Variants in IL1RAPL2 observed in about 807,000 individuals in gnomAD.
IL1RAPL2 encodes the protein X-linked interleukin-1 receptor accessory protein-like 2.
IL1RAPL2 carries 3 observed loss-of-function variants against 44.1 expected under a neutral mutation model. The ratio of observed to expected loss-of-function variants is 0.07; its 90% CI spans 0.03 to 0.18. IL1RAPL2 has a LOEUF of 0.18. Ranked by LOEUF, IL1RAPL2 falls within the 10% of genes least tolerant of loss-of-function variation. The pLI is 1.00. For synonymous variants in IL1RAPL2, 181 were observed against 178.8 expected, an observed-to-expected ratio of 1.01 and a Z score of -0.10; for missense variants, 391 against 496.4, an observed-to-expected ratio of 0.79 and a Z score of 2.02.
chrX:105,701,456 C>T (rs1337547540), intron 6 of IL1RAPL2, among the ~76,000 whole-genome samples: 2 of 111,194 alleles, frequency 1.8e-5, no homozygotes, highest in Admixed American at 9.6e-5. Context: ...TAATATATTG[C>T]GACATTGAAT....
At chrX:104,637,802 CTGTGTGTGTGTG>C (rs1214767208) in intron 1 of IL1RAPL2, among the ~76,000 whole-genome samples, 2 of 88,576 alleles carry the variant, frequency 2.3e-5, no homozygotes, top group African/African-American at 8.5e-5. Context: ...GTGTGTGTGT[CTGTGTGTGTGTG>C]TGTGTGTGTC....
intron 5 of IL1RAPL2, among the ~76,000 whole-genome samples, chrX:105,440,237 C>A (rs2035911098): frequency 8.9e-6 from 1 of 112,042 alleles, no homozygotes; most frequent in African/African-American, 3.2e-5. Context: ...TCTTCTATTG[C>A]TGCTTCAATT....
intron 2 of IL1RAPL2, among the ~76,000 whole-genome samples, chrX:104,699,079 C>T (rs751595628): frequency 1.1e-4 from 12 of 111,324 alleles, no homozygotes; most frequent in South Asian, 7.6e-4. Context: ...CTCCAGATAC[C>T]TTCCATTGTT....
chrX:104,880,036 C>T, intron 2 of IL1RAPL2, among the ~76,000 whole-genome samples: 1 of 108,609 alleles, frequency 9.2e-6, no homozygotes, highest in South Asian at 3.9e-4. Context: ...GATAGTACTT[C>T]TCATTTTCTC....
chrX:105,571,659 C>T (rs1024864805), intron 6 of IL1RAPL2, among the ~76,000 whole-genome samples: 6 of 110,926 alleles, frequency 5.4e-5, no homozygotes, highest in African/African-American at 2.0e-4. Flanking sequence ...CATATGTGAT[C>T]CCTTCTTGAT....
intron 3 of IL1RAPL2, among the ~76,000 whole-genome samples, chrX:105,225,225 G>A (rs1556187341): frequency 8.9e-6 from 1 of 111,906 alleles, no homozygotes; most frequent in South Asian, 3.7e-4. Context: ...TTTTTCTTGA[G>A]TAGGTTTCTA....
At chrX:105,183,255 A>G (rs2033552250) in intron 2 of IL1RAPL2, among the ~76,000 whole-genome samples, 1 of 110,932 alleles carries the variant, frequency 9.0e-6, no homozygotes, top group South Asian at 3.8e-4. Context: ...CGGGGGGGCA[A>G]TGGTTGGTGT....
intron 8 of IL1RAPL2, 52 bp from the exon 9 acceptor site, chrX:105,748,908 C>T: frequency 8.9e-7 from 1 of 1,129,150 alleles, no homozygotes; most frequent in African/African-American, 1.8e-5. Flanking sequence ...ATGGGAAGAT[C>T]CCAAGTGTTG....
At chrX:105,643,096 C>T (rs773289445) in intron 6 of IL1RAPL2, among the ~76,000 whole-genome samples, 1 of 112,112 alleles carries the variant, frequency 8.9e-6, no homozygotes, top group African/African-American at 3.2e-5. Flanking sequence ...GGTGTCTCAT[C>T]TCTTATCTTG....
chrX:104,582,761 TTTC>T (rs1928413531), intron 1 of IL1RAPL2, among the ~76,000 whole-genome samples: 1 of 100,660 alleles, frequency 9.9e-6, no homozygotes, highest in Non-Finnish European at 2.0e-5. Context: ...TCTTTCTTTC[TTTC>T]TTTTTTCTTT....
chrX:105,094,119 A>G (rs913899957), intron 2 of IL1RAPL2, among the ~76,000 whole-genome samples: 2 of 111,556 alleles, frequency 1.8e-5, no homozygotes, highest in African/African-American at 6.5e-5. Flanking sequence ...AATATCTTGC[A>G]TTATGGGGTC....
chrX:105,572,471 ATTATC>A (rs1052992478), intron 6 of IL1RAPL2, among the ~76,000 whole-genome samples: 29 of 112,042 alleles, frequency 2.6e-4, no homozygotes, highest in African/African-American at 9.1e-4. Context: ...ACTTTTATAT[ATTATC>A]TTAAGTACAG....
intron 1 of IL1RAPL2, among the ~76,000 whole-genome samples, chrX:104,654,104 T>G (rs1930207095): frequency 1.8e-5 from 2 of 110,656 alleles, no homozygotes; most frequent in Non-Finnish European, 3.8e-5. Flanking sequence ...CCTTTCCCTG[T>G]TATTGGATGT....
intron 5 of IL1RAPL2, among the ~76,000 whole-genome samples, chrX:105,439,458 A>G (rs113781484): frequency 1.0e-5 from 1 of 99,046 alleles, no homozygotes; most frequent in Non-Finnish European, 2.0e-5. Flanking sequence ...TAATCCTACT[A>G]TATTGGCTCA....
chrX:105,317,991 A>ATTG (rs1359620765), intron 5 of IL1RAPL2, among the ~76,000 whole-genome samples: 2 of 106,963 alleles, frequency 1.9e-5, no homozygotes, highest in African/African-American at 3.4e-5. Flanking sequence ...TTTTTTTTTA[A>ATTG]AGACGAAGTC....
chrX:104,602,161 A>G (rs1245701629), intron 1 of IL1RAPL2, among the ~76,000 whole-genome samples: 2 of 111,516 alleles, frequency 1.8e-5, no homozygotes, highest in African/African-American at 6.5e-5. Context: ...CTGGTTGGAC[A>G]GTGGTTGCAG....
intron 5 of IL1RAPL2, among the ~76,000 whole-genome samples, chrX:105,309,266 A>T (rs2147680115): frequency 9.4e-6 from 1 of 106,372 alleles, no homozygotes; most frequent in Non-Finnish European, 1.9e-5. Context: ...CAAACTCCTG[A>T]CCTCAAGTAA....
At chrX:105,241,609 C>T (rs1556208333) in intron 4 of IL1RAPL2, among the ~76,000 whole-genome samples, 3 of 111,839 alleles carry the variant, frequency 2.7e-5, no homozygotes, top group Non-Finnish European at 5.6e-5. Flanking sequence ...TCACATAAAT[C>T]TTTTATAACC....
intron 1 of IL1RAPL2, among the ~76,000 whole-genome samples, chrX:104,613,445 T>C (rs1395796438): frequency 2.7e-5 from 3 of 112,143 alleles, no homozygotes; most frequent in Non-Finnish European, 5.6e-5. Context: ...TGTTTTTAAT[T>C]CTGTTTATCT....
Sources: gnomAD v4.1 joint callset for allele counts (sites outside exome capture counted in the v4.1 genomes callset) on GRCh38, gnomAD v4.1.1 for gene constraint, MANE v1.5 for transcripts, NCBI Gene and HGNC (gene_info 2026-07-23, HGNC 2026-07-21) for gene names.